The following CAMK1G variants were observed in gnomAD, a reference collection of about 807,000 sequenced individuals.
CAMK1G encodes the protein calcium/calmodulin-dependent protein kinase type 1G.
Under a neutral mutation model 54.8 loss-of-function variants are expected in CAMK1G, and 27 were observed. That is an observed-to-expected ratio of 0.49 (90% CI 0.36 to 0.68). The LOEUF (loss-of-function observed/expected upper bound fraction) is 0.68, where lower values mean the gene tolerates loss of function less well. CAMK1G is among the 30% of genes least tolerant of loss of function. The probability of loss-of-function intolerance (pLI) is 0.00; values close to 1 mark genes in which losing one functional copy is unlikely to be tolerated. For missense variants in CAMK1G, 512 were observed against 591.0 expected, an observed-to-expected ratio of 0.87 and a Z score of 1.39; for synonymous variants, 238 against 224.9, an observed-to-expected ratio of 1.06 and a Z score of -0.52.
Position 209,605,554 on chromosome 1 carries a change from C to A in CAMK1G, c.315C>A (p.Leu105=). 6.2e-7 allele frequency: 1 copy of A among 1,613,974 alleles called. No homozygotes were observed. Among genetic ancestry groups the A allele is most frequent in the Non-Finnish European group, 8.5e-7 (1 of 1,179,946 alleles). Residue 105 remains leucine, a synonymous_variant, in exon 5 of 13, where the codon CTC becomes CTA. Transcript: ENST00000361322. ...LVMQLVSGGE[L]FDRILERGVY... ...CCCACAGTGTTTCTGGTGGGGAGCT[C>A]TTTGACCGGATCCTGGAGCGGGGTG...
intron 9 of CAMK1G, 32 bp from the exon 10 acceptor site, chr1:209,611,433 C>T (rs1470217949): frequency 1.2e-6 from 2 of 1,608,174 alleles, no homozygotes; most frequent in Non-Finnish European, 8.5e-7. Flanking sequence ...AATAGCCACC[C>T]AGTAGCCAGG....
chr1:209,602,216 G>A (rs1393647283), intron 3 of CAMK1G, among the ~76,000 whole-genome samples: 1 of 152,112 alleles, frequency 6.6e-6, no homozygotes, highest in Non-Finnish European at 1.5e-5. Flanking sequence ...AGTGTTGGAT[G>A]TTTAGCAGCA....
chr1:209,600,202 G>A, intron 3 of CAMK1G, 91 bp downstream of exon 3: 2 of 1,445,532 alleles, frequency 1.4e-6, no homozygotes, highest in South Asian at 1.3e-5. Context: ...CTGGATTTCT[G>A]CACCCAAAGG....
intron 1 of CAMK1G, among the ~76,000 whole-genome samples, chr1:209,587,824 C>T (rs1268390224): frequency 2.0e-5 from 3 of 152,104 alleles, no homozygotes; most frequent in Non-Finnish European, 4.4e-5. Flanking sequence ...GAAAACTTCC[C>T]AACTTTTGCC....
At chr1:209,589,655 T>C (rs1247683745) in intron 1 of CAMK1G, among the ~76,000 whole-genome samples, 1 of 152,106 alleles carries the variant, frequency 6.6e-6, no homozygotes, top group African/African-American at 2.4e-5. Context: ...CAGTAGTAGG[T>C]TCTAGGATTT....
chr1:209,609,758 A>T (rs974087933), intron 8 of CAMK1G, 93 bp from the exon 9 acceptor site: 63 of 1,215,528 alleles, frequency 5.2e-5, no homozygotes, highest in Admixed American at 1.2e-4. Context: ...TCAGCTAAAG[A>T]TGCATTCACT....
At chr1:209,604,393 G>T (rs1032724813) in intron 4 of CAMK1G, among the ~76,000 whole-genome samples, 5 of 152,284 alleles carry the variant, frequency 3.3e-5, no homozygotes, top group South Asian at 2.1e-4. Context: ...GAGACACTAA[G>T]CCTCCTCAGA....
Position 209,613,911 on chromosome 1 carries a change from G to A in CAMK1G, c.*909G>A, listed in dbSNP as rs947842336. On this transcript the variant is annotated 3_prime_UTR_variant, in exon 13 of 13. Transcript: ENST00000361322. ...CCTCCAGCTTCATGCTCAGTGTTGTGCTTAATAAAATGGACATATTTTTCT... is the reference window on the plus strand; with the variant it reads ...CCTCCAGCTTCATGCTCAGTGTTGTACTTAATAAAATGGACATATTTTTCT... The A allele has an allele frequency of 6.6e-6, 1 of 152,190 alleles. No individual in the cohort carries two copies. The highest frequency in any genetic ancestry group is 2.4e-5 in the African/African-American group (1 of 41,410). The allele number at this position is 152,190 out of a possible 1,614,324, so 9.4% of individuals were successfully genotyped here. A position where few individuals can be genotyped will look rare whatever the true frequency, so the allele number is the denominator to read the frequency against.
chr1:209,609,121 A>G (rs749820011), intron 8 of CAMK1G, 29 bp downstream of exon 8: 2 of 1,613,906 alleles, frequency 1.2e-6, no homozygotes, highest in East Asian at 2.2e-5. Flanking sequence ...AAGGAGAGAT[A>G]ACAGGCTCAA....
chr1:209,599,885 C>CTATA, intron 2 of CAMK1G, 98 bp from the exon 3 acceptor site: 1 of 1,424,154 alleles, frequency 7.0e-7, no homozygotes, highest in Non-Finnish European at 9.6e-7. Flanking sequence ...GGTCAGAGGA[C>CTATA]TATATAGACT....
chr1:209,603,346 C>T (rs1665572927), intron 4 of CAMK1G, 58 bp downstream of exon 4: 10 of 1,423,542 alleles, frequency 7.0e-6, no homozygotes, highest in East Asian at 2.3e-5. Flanking sequence ...GGGAGGCCTA[C>T]AGGAGGTTGG....
rs368779057 is a variant in CAMK1G at position 209,593,061 on chromosome 1, A to G, written c.-29-1894A>G. Among the ~76,000 whole-genome samples, 225 of 152,376 alleles carry G rather than the reference A, an allele frequency of 1.5e-3. 1 individual carries two copies. The South Asian group carries it at 0.019, about 13-fold the overall frequency. ...TCAATGTCTGTATGTGCACCATTTC[A>G]TTTAACCTTTACCATATCTTAAAGG... On this transcript the variant is annotated intron_variant, in intron 1 of 12. Coordinates refer to ENST00000361322, the MANE Select transcript of CAMK1G (RefSeq NM_020439.3).
intron 1 of CAMK1G, among the ~76,000 whole-genome samples, chr1:209,590,159 C>G (rs1306806775): frequency 6.6e-6 from 1 of 152,190 alleles, no homozygotes; most frequent in Non-Finnish European, 1.5e-5. Context: ...ATTGGAGCTT[C>G]AAGCTCCTTA....
intron 1 of CAMK1G, among the ~76,000 whole-genome samples, chr1:209,591,070 G>A (rs1665234847): frequency 6.6e-6 from 1 of 151,652 alleles, no homozygotes; most frequent in Non-Finnish European, 1.5e-5. Flanking sequence ...AAGGGCATCT[G>A]GCTAAAGATA....
At chr1:209,608,820 C>A (rs528794526) in intron 7 of CAMK1G, 160 bp from the exon 8 acceptor site, 1 of 537,192 alleles carries the variant, frequency 1.9e-6, no homozygotes, top group East Asian at 1.5e-4. Context: ...GGGACCTGTA[C>A]CATTCTGGAA....
At position 209,607,875 on chromosome 1, in the gene CAMK1G, CAGAAACCCT is replaced by C; in HGVS notation, c.579_587del (p.Gln193_Tyr196delinsHis). The C allele has an allele frequency of 6.2e-7, 1 of 1,613,562 alleles. No individual in the cohort carries two copies. Among genetic ancestry groups the C allele is most frequent in the Non-Finnish European group, 8.5e-7 (1 of 1,179,766 alleles). On this transcript the variant is annotated inframe_deletion, in exon 7 of 13. Coordinates refer to ENST00000361322, the MANE Select transcript of CAMK1G (RefSeq NM_020439.3). ...TGCTGCAGCTCCAGAAGTGCTGGCC[CAGAAACCCT>C]ACAGCAAGGCTGTGGATTGCTGGTC... is the stretch of plus-strand genomic sequence containing the variant.
Position 209,612,215 on chromosome 1 carries a change from C to T in CAMK1G, c.1339C>T (p.Gln447Ter), listed in dbSNP as rs775482310. 3 of 1,612,478 alleles carry T rather than the reference C, an allele frequency of 1.9e-6. No individual in the cohort carries two copies. Among genetic ancestry groups the T allele is most frequent in the Non-Finnish European group, 2.5e-6 (3 of 1,178,908 alleles). Residue 447 changes from glutamine to a stop codon, truncating the protein, a stop_gained and splice_region_variant, in exon 11 of 13, where the codon CAG (glutamine) becomes TAG (stop). Coordinates refer to ENST00000361322, the MANE Select transcript of CAMK1G (RefSeq NM_020439.3). LOFTEE classifies it high-confidence loss of function. ...PTLLKKANKK[Q>*]NFKSEVMVPV... is the part of the protein sequence containing the mutation. ...ACTCCTCAAAAAGGCCAACAAAAAA[C>T]AGTACGTATTTTTAGCCAAAGATGG...
Position 209,608,995 on chromosome 1 carries a change from C to G in CAMK1G, c.651C>G (p.Pro217=). Residue 217 remains proline (P), a synonymous_variant, in exon 8 of 13, where the codon CCC becomes CCG. Transcript: ENST00000361322. The part of the protein sequence containing the change: ...VITYILLCGY[P]PFYEETESKL... Reference sequence around the variant, plus strand: ...CCTGCTGCAGGCTCTGTGGATACCCCCCATTCTATGAAGAAACGGAGTCTA... The same window carrying G: ...CCTGCTGCAGGCTCTGTGGATACCCGCCATTCTATGAAGAAACGGAGTCTA... The G allele has an allele frequency of 6.2e-7, 1 of 1,614,106 alleles. No individual in the cohort carries two copies.
At position 209,606,344 on chromosome 1, in the gene CAMK1G, C is replaced by G. The variant is rs1665649762; in HGVS notation, c.460C>G (p.Pro154Ala). The change falls in exon 6 of 13, where the codon CCT (proline) becomes GCT (alanine). Residue 154 changes from proline (P) to alanine (A), a missense_variant. Transcript: ENST00000361322. ...GCCCGAAAACCTGCTTTACCTTACC[C>G]CTGAAGAGAACTCTAAGATCATGAT... ...LKPENLLYLT[P>A]EENSKIMITD... The G allele has an allele frequency of 6.2e-7, 1 of 1,613,970 alleles. No individual in the cohort carries two copies. The highest frequency in any genetic ancestry group is 8.5e-7 in the Non-Finnish European group (1 of 1,179,916).
Sources: allele counts gnomAD v4.1 joint callset (sites outside exome capture counted in the v4.1 genomes callset), GRCh38; gene constraint gnomAD v4.1.1; transcripts MANE v1.5; gene names NCBI Gene and HGNC (gene_info 2026-07-23, HGNC 2026-07-21).